CNTN5: variants seen among roughly 807,000 people sequenced by gnomAD.
CNTN5 encodes the protein contactin 5.
In CNTN5, 77 loss-of-function variants were observed where a neutral mutation model predicts 129.1. The ratio of observed to expected loss-of-function variants is 0.60; its 90% CI spans 0.50 to 0.72. CNTN5 has a LOEUF of 0.72. CNTN5 is among the 30% of genes least tolerant of loss of function. The pLI is 0.00. For missense variants in CNTN5, 1,478 were observed against 1,328.8 expected (o/e 1.11, Z -1.75); for synonymous variants, 509 against 465.6 (o/e 1.09, Z -1.20).
chr11:99,444,054 T>G (rs1215451404), intron 2 of CNTN5, among the ~76,000 whole-genome samples: 2 of 151,834 alleles, frequency 1.3e-5, no homozygotes, highest in East Asian at 3.9e-4. Flanking sequence ...AAAAATTAGC[T>G]GGGTGTGGTG....
intron 1 of CNTN5, among the ~76,000 whole-genome samples, chr11:99,191,333 A>G (rs1364507687): frequency 6.6e-6 from 1 of 151,718 alleles, no homozygotes; most frequent in Non-Finnish European, 1.5e-5. Context: ...GAATCAGGGT[A>G]ATGATGACCT....
intron 2 of CNTN5, among the ~76,000 whole-genome samples, chr11:99,451,220 C>T (rs958698018): frequency 1.3e-5 from 2 of 152,070 alleles, no homozygotes; most frequent in Admixed American, 6.5e-5. Flanking sequence ...AACCTGGAAT[C>T]GTTTCTTATT....
chr11:99,908,110 C>T (rs1295048501), intron 6 of CNTN5, among the ~76,000 whole-genome samples: 1 of 151,886 alleles, frequency 6.6e-6, no homozygotes, highest in African/African-American at 2.4e-5. Flanking sequence ...TCTGGCTATA[C>T]AAGTGTTTTT....
At chr11:100,162,215 C>T (rs1309229222) in intron 13 of CNTN5, among the ~76,000 whole-genome samples, 1 of 151,742 alleles carries the variant, frequency 6.6e-6, no homozygotes, top group Admixed American at 6.6e-5. Flanking sequence ...GAACTAACCG[C>T]GATAAAGAAC....
chr11:100,095,000 TAAGC>T (rs915670849), intron 13 of CNTN5, among the ~76,000 whole-genome samples: 2 of 152,092 alleles, frequency 1.3e-5, no homozygotes, highest in East Asian at 1.9e-4. Flanking sequence ...AAAAATTACT[TAAGC>T]TAAGCAAATA....
chr11:99,654,645 T>C (rs1247967265), intron 3 of CNTN5, among the ~76,000 whole-genome samples: 1 of 152,098 alleles, frequency 6.6e-6, no homozygotes. Context: ...AAATTGCTTA[T>C]TATGTAAGCA....
At chr11:100,309,760 T>A in intron 21 of CNTN5, 1 of 959,212 alleles carries the variant, frequency 1.0e-6, no homozygotes, top group Non-Finnish European at 1.2e-6. Context: ...CTGTGGTGGT[T>A]TGTCCAGTTT....
chr11:99,844,395 T>TA (rs1422285731), intron 4 of CNTN5, among the ~76,000 whole-genome samples: 3 of 152,092 alleles, frequency 2.0e-5, no homozygotes, highest in Non-Finnish European at 4.4e-5. Flanking sequence ...ATGAAGAATA[T>TA]AAAAAAATGC....
At chr11:100,305,443 C>T (rs941395675) in intron 20 of CNTN5, among the ~76,000 whole-genome samples, 1 of 151,618 alleles carries the variant, frequency 6.6e-6, no homozygotes, top group African/African-American at 2.4e-5. Context: ...TTCATACTGT[C>T]TCCTTTTATC....
chr11:99,140,981 T>G (rs549021006), intron 1 of CNTN5, among the ~76,000 whole-genome samples: 27 of 152,032 alleles, frequency 1.8e-4, no homozygotes, highest in Non-Finnish European at 3.4e-4. Flanking sequence ...TCTCTGACAG[T>G]GTTGGCATCA....
At chr11:100,049,457 T>C (rs1942848858) in intron 9 of CNTN5, among the ~76,000 whole-genome samples, 1 of 151,914 alleles carries the variant, frequency 6.6e-6, no homozygotes. Context: ...AAAAAAGATA[T>C]GAAAACTGAT....
intron 2 of CNTN5, among the ~76,000 whole-genome samples, chr11:99,417,334 A>G (rs1942703381): frequency 6.6e-6 from 1 of 152,294 alleles, no homozygotes; most frequent in South Asian, 2.1e-4. Flanking sequence ...ATTAAAACAC[A>G]TTTTTAATTA....
At chr11:99,324,162 C>A (rs1167569992) in intron 1 of CNTN5, among the ~76,000 whole-genome samples, 5 of 151,996 alleles carry the variant, frequency 3.3e-5, no homozygotes, top group Non-Finnish European at 2.9e-5. Context: ...TCATAAAGGT[C>A]AATACCCTTT....
intron 16 of CNTN5, among the ~76,000 whole-genome samples, chr11:100,227,781 G>C (rs1251207484): frequency 1.3e-5 from 2 of 152,150 alleles, no homozygotes; most frequent in African/African-American, 4.8e-5. Context: ...AATAGAGAAA[G>C]CATGACTAAA....
intron 3 of CNTN5, among the ~76,000 whole-genome samples, chr11:99,633,014 CTAAG>C (rs1360143742): frequency 2.0e-5 from 3 of 152,086 alleles, no homozygotes; most frequent in Non-Finnish European, 2.9e-5. Context: ...CACCCTCTCC[CTAAG>C]TTAGTTCACA....
intron 9 of CNTN5, among the ~76,000 whole-genome samples, chr11:100,051,363 A>G (rs1015408695): frequency 6.6e-6 from 1 of 152,086 alleles, no homozygotes; most frequent in Non-Finnish European, 1.5e-5. Flanking sequence ...ATCACCAAAT[A>G]TTTAGAAATT....
In CNTN5 at chr11:100,057,871, C is replaced by T. The variant is rs552184579; in HGVS notation, c.981-3341C>T. Among the ~76,000 whole-genome samples the T allele has an allele frequency of 3.5e-4, 53 of 151,998 alleles. No homozygotes were observed. The South Asian group carries it at 0.011, about 31-fold the overall frequency. ...TATTATTGTAAACTAGGGTTTTTTGCCTGCTACTTTGTGCCAGGCTGTTTA... is the reference window on the plus strand; with the variant it reads ...TATTATTGTAAACTAGGGTTTTTTGTCTGCTACTTTGTGCCAGGCTGTTTA... On this transcript the variant is annotated intron_variant, in intron 9 of 24. Coordinates refer to ENST00000524871, the MANE Select transcript of CNTN5 (RefSeq NM_014361.4).
chr11:99,206,427 T>C (rs2135650893), intron 1 of CNTN5, among the ~76,000 whole-genome samples: 1 of 152,192 alleles, frequency 6.6e-6, no homozygotes, highest in Non-Finnish European at 1.5e-5. Context: ...AATCGGCTGC[T>C]TTATTTTGTG....
chr11:99,400,689 C>G (rs1227739083), intron 2 of CNTN5, among the ~76,000 whole-genome samples: 1 of 152,140 alleles, frequency 6.6e-6, no homozygotes, highest in Non-Finnish European at 1.5e-5. Flanking sequence ...TATTCACTCT[C>G]TCACCAATAG....
Sources: allele counts gnomAD v4.1 joint callset (sites outside exome capture counted in the v4.1 genomes callset), GRCh38; gene constraint gnomAD v4.1.1; transcripts MANE v1.5; gene names NCBI Gene and HGNC (gene_info 2026-07-23, HGNC 2026-07-21).